UBE2L3: variants seen among roughly 807,000 people sequenced by gnomAD.
UBE2L3 encodes ubiquitin conjugating enzyme E2 L3.
In UBE2L3, 1 loss-of-function variant was observed where a neutral mutation model predicts 17.8. That is an observed-to-expected ratio of 0.06 (90% confidence interval 0.02 to 0.27). The LOEUF (loss-of-function observed/expected upper bound fraction) is 0.27. Among genes scored for constraint, UBE2L3 ranks in the 10% least tolerant of loss-of-function variants. The pLI, the probability that UBE2L3 is intolerant of heterozygous loss-of-function variation, is 1.00. For synonymous variants in UBE2L3, 44 were observed against 68.5 expected (o/e 0.64, Z 1.76); for missense variants, 40 against 192.6 (o/e 0.21, Z 4.69).
chr22:21,578,495 T>G (rs1159585428), intron 1 of UBE2L3, among the ~76,000 whole-genome samples: 1 of 152,132 alleles, frequency 6.6e-6, no homozygotes, highest in Admixed American at 6.6e-5. Flanking sequence ...GAGTCTGTTG[T>G]GGACAGACTT....
intron 3 of UBE2L3, among the ~76,000 whole-genome samples, chr22:21,615,532 G>A (rs896749462): frequency 1.5e-4 from 23 of 151,220 alleles, no homozygotes; most frequent in African/African-American, 5.6e-4. Context: ...TCCAGCCTGG[G>A]CGACAGAGCA....
chr22:21,580,718 G>A (rs1241549285), intron 1 of UBE2L3, among the ~76,000 whole-genome samples: 1 of 152,012 alleles, frequency 6.6e-6, no homozygotes, highest in Admixed American at 6.6e-5. Context: ...CCAAAATGCG[G>A]GATTACAGGT....
intron 1 of UBE2L3, among the ~76,000 whole-genome samples, chr22:21,572,942 CTA>C (rs1361066477): frequency 6.6e-6 from 1 of 151,994 alleles, no homozygotes; most frequent in Non-Finnish European, 1.5e-5. Context: ...TTCTGCTGAA[CTA>C]TGCCTTCAGT....
intron 1 of UBE2L3, among the ~76,000 whole-genome samples, chr22:21,560,743 T>A (rs1294578872): frequency 1.3e-5 from 2 of 150,332 alleles, no homozygotes; most frequent in Non-Finnish European, 3.0e-5. Context: ...GAGCCACCGC[T>A]CCCGGGCTGG....
intron 1 of UBE2L3, among the ~76,000 whole-genome samples, chr22:21,588,443 G>A (rs1210129490): frequency 6.9e-6 from 1 of 145,580 alleles, no homozygotes; most frequent in Non-Finnish European, 1.5e-5. Flanking sequence ...ATCTCTGAAT[G>A]ATTCCAATTT....
chr22:21,621,976 A>C lies in UBE2L3; in HGVS notation c.*307A>C. On this transcript the variant is annotated 3_prime_UTR_variant, in exon 4 of 4. Transcript: ENST00000342192. The stretch of plus-strand genomic sequence containing the variant: ...ATCCAAAATCTTCAAGTTACATTTA[A>C]CCCATAAGGTTTAAAAAAAAGGAAA... The C allele has an allele frequency of 3.7e-6, 1 of 269,372 alleles. No homozygotes were observed. The highest frequency in any genetic ancestry group is 6.9e-6 in the Non-Finnish European group (1 of 145,654). 16.7% of individuals were successfully genotyped at this position (269,372 alleles called of 1,614,324 possible). A position where few individuals can be genotyped will look rare whatever the true frequency, so the allele number is the denominator to read the frequency against.
intron 1 of UBE2L3, among the ~76,000 whole-genome samples, chr22:21,568,913 A>G (rs112642884): frequency 0.014 from 2,184 of 152,266 alleles, 60 homozygotes; most frequent in African/African-American, 0.051. Context: ...TAGAGAGGAC[A>G]TTAACTTTAT....
At chr22:21,561,287 G>C (rs1293020300) in intron 1 of UBE2L3, among the ~76,000 whole-genome samples, 1 of 152,294 alleles carries the variant, frequency 6.6e-6, no homozygotes, top group Non-Finnish European at 1.5e-5. Flanking sequence ...GCACTCAAAA[G>C]GGTCCAGGCT....
chr22:21,560,048 G>A (rs1164690318), intron 1 of UBE2L3, among the ~76,000 whole-genome samples: 2 of 152,256 alleles, frequency 1.3e-5, no homozygotes, highest in Admixed American at 6.5e-5. Flanking sequence ...TTCCTGCCCT[G>A]GTGGCCCTGG....
At chr22:21,608,187 G>A (rs1929278388) in intron 2 of UBE2L3, among the ~76,000 whole-genome samples, 1 of 152,140 alleles carries the variant, frequency 6.6e-6, no homozygotes. Flanking sequence ...TTTCCTGGTG[G>A]GAATGCAAAA....
intron 1 of UBE2L3, among the ~76,000 whole-genome samples, chr22:21,555,873 A>G (rs1184216152): frequency 6.6e-6 from 1 of 152,288 alleles, no homozygotes; most frequent in African/African-American, 2.4e-5. Context: ...TGGAGGTTAC[A>G]GTGGGCTGAG....
rs919872598 is a variant in UBE2L3, at chr22:21,596,495, C to T, written c.123+3539C>T. Reference sequence around the variant, plus strand: ...AAGTGATGCTTATACATCAGCCTCCCGAGTAGCTGGGATTGCAGGTGTGCA... The same window carrying T: ...AAGTGATGCTTATACATCAGCCTCCTGAGTAGCTGGGATTGCAGGTGTGCA... On this transcript the variant is annotated intron_variant, in intron 2 of 3. Transcript: ENST00000342192. Among the ~76,000 whole-genome samples, 6 of 152,246 alleles carry T rather than the reference C, an allele frequency of 3.9e-5. No homozygotes were observed. In the South Asian group the frequency reaches 6.2e-4, roughly 16 times the overall value.
chr22:21,601,528 T>C (rs1928858568), intron 2 of UBE2L3, among the ~76,000 whole-genome samples: 1 of 151,786 alleles, frequency 6.6e-6, no homozygotes. Flanking sequence ...TTGGTCAGGC[T>C]GGTCTTGAAC....
intron 2 of UBE2L3, among the ~76,000 whole-genome samples, chr22:21,609,718 T>C (rs1170133274): frequency 6.6e-6 from 1 of 150,946 alleles, no homozygotes; most frequent in African/African-American, 2.4e-5. Flanking sequence ...AATAAGTAAG[T>C]ATGAAGTGGG....
intron 2 of UBE2L3, among the ~76,000 whole-genome samples, chr22:21,608,302 T>C (rs986849494): frequency 6.6e-6 from 1 of 152,118 alleles, no homozygotes; most frequent in Non-Finnish European, 1.5e-5. Flanking sequence ...CAAAATGGAG[T>C]GCAGAAGCGT....
At chr22:21,614,650 C>T (rs1393902714) in intron 3 of UBE2L3, 1 of 1,364,750 alleles carries the variant, frequency 7.3e-7, no homozygotes, top group Non-Finnish European at 9.8e-7. Context: ...CTTTAGCCAC[C>T]CACAAGTACA....
intron 3 of UBE2L3, among the ~76,000 whole-genome samples, chr22:21,612,839 G>A (rs527990101): frequency 2.6e-5 from 4 of 151,056 alleles, no homozygotes; most frequent in African/African-American, 4.9e-5. Context: ...GTTTCACCAC[G>A]TTGACCAGGC....
At chr22:21,619,670 C>G (rs768831716) in intron 3 of UBE2L3, among the ~76,000 whole-genome samples, 3 of 152,222 alleles carry the variant, frequency 2.0e-5, no homozygotes, top group African/African-American at 4.8e-5. Context: ...TTGCATATGA[C>G]TCAGCCAGCA....
chr22:21,600,339 C>CA (rs940472339), intron 2 of UBE2L3, among the ~76,000 whole-genome samples: 1 of 151,780 alleles, frequency 6.6e-6, no homozygotes. Context: ...ACAAAACAAA[C>CA]AAAAAAACTT....
Sources: gnomAD v4.1 joint callset for allele counts (sites outside exome capture counted in the v4.1 genomes callset) on GRCh38, gnomAD v4.1.1 for gene constraint, MANE v1.5 for transcripts, NCBI Gene and HGNC (gene_info 2026-07-23, HGNC 2026-07-21) for gene names.